The following CSMD2 variants were observed in gnomAD, a reference collection of about 807,000 sequenced individuals.
CSMD2 encodes CUB and sushi domain-containing protein 2.
CSMD2 carries 130 observed loss-of-function variants against 398.5 expected under a neutral mutation model. The ratio of observed to expected loss-of-function variants is 0.33; its 90% CI spans 0.28 to 0.38. CSMD2 has a LOEUF of 0.38. Ranked by LOEUF, CSMD2 falls within the 10% of genes least tolerant of loss-of-function variation. CSMD2 has a pLI of 1.00. For missense variants in CSMD2, 3,829 were observed against 4,764.9 expected (o/e 0.80, Z 5.78); for synonymous variants, 1,828 against 1,908.5 (o/e 0.96, Z 1.10).
intron 3 of CSMD2, among the ~76,000 whole-genome samples, chr1:33,993,881 C>T (rs1285738026): frequency 6.6e-6 from 1 of 152,136 alleles, no homozygotes; most frequent in African/African-American, 2.4e-5. Context: ...ATCTCCATAT[C>T]CATTCTTCTT....
intron 49 of CSMD2, among the ~76,000 whole-genome samples, chr1:33,574,524 C>T (rs1009433623): frequency 1.3e-5 from 2 of 152,194 alleles, no homozygotes; most frequent in Admixed American, 1.3e-4. Context: ...GTCTAGAGCT[C>T]AGAACTTTTT....
chr1:33,789,051 A>G (rs994334638), intron 11 of CSMD2, among the ~76,000 whole-genome samples: 4 of 152,158 alleles, frequency 2.6e-5, no homozygotes, highest in African/African-American at 9.7e-5. Flanking sequence ...GGGTGTCTAC[A>G]TTCTTGCAAC....
At chr1:33,573,839 G>A (rs1659824947) in intron 49 of CSMD2, among the ~76,000 whole-genome samples, 1 of 152,144 alleles carries the variant, frequency 6.6e-6, no homozygotes, top group Non-Finnish European at 1.5e-5. Flanking sequence ...ATCCCTCTTA[G>A]ATTCACCATC....
chr1:33,762,438 A>G (rs2149305307), intron 13 of CSMD2, among the ~76,000 whole-genome samples: 1 of 152,356 alleles, frequency 6.6e-6, no homozygotes, highest in Admixed American at 6.5e-5. Flanking sequence ...CTATAAGTAG[A>G]GGTCACAGCC....
At chr1:33,613,669 T>C (rs892014341) in intron 40 of CSMD2, among the ~76,000 whole-genome samples, 5 of 152,154 alleles carry the variant, frequency 3.3e-5, no homozygotes, top group African/African-American at 1.2e-4. Context: ...TTTCTGAGGC[T>C]CACAGACTGG....
Position 33,688,926 on chromosome 1 carries a change from G to GT in CSMD2, c.4052+4003dup, listed in dbSNP as rs530745733. Among the ~76,000 whole-genome samples the GT allele has an allele frequency of 1.1e-3, 165 of 152,164 alleles. 2 individuals carry two copies. The highest frequency in any genetic ancestry group is 6.8e-3 in the Middle Eastern group (2 of 294). On this transcript the variant is annotated intron_variant, in intron 25 of 70. Coordinates refer to ENST00000373381, the MANE Select transcript of CSMD2 (RefSeq NM_001281956.2). Reference sequence around the variant, plus strand: ...GGACTCAAACACAAAGGGGCTTTTTGTGTTTGTCTAATTATGAGTGTGAGT... The same window carrying GT: ...GGACTCAAACACAAAGGGGCTTTTTGTTGTTTGTCTAATTATGAGTGTGAGT...
chr1:33,820,768 C>T (rs1221416948), intron 7 of CSMD2, among the ~76,000 whole-genome samples: 2 of 152,016 alleles, frequency 1.3e-5, no homozygotes, highest in Admixed American at 1.3e-4. Flanking sequence ...TGACAAATTC[C>T]TTTGTGAGCA....
At chr1:34,080,942 G>GAAAGAAAGAAAT (rs1657008298) in intron 2 of CSMD2, among the ~76,000 whole-genome samples, 2 of 60,628 alleles carry the variant, frequency 3.3e-5, no homozygotes, top group East Asian at 6.1e-4. Context: ...AAGAAAGAAA[G>GAAAGAAAGAAAT]AAAGAAAGAA....
intron 70 of CSMD2, among the ~76,000 whole-genome samples, chr1:33,517,503 C>T (rs1489563320): frequency 6.6e-6 from 1 of 152,238 alleles, no homozygotes; most frequent in Non-Finnish European, 1.5e-5. Context: ...AGATTCATCA[C>T]TGATCATCTC....
chr1:34,149,726 C>T (rs1195066168), intron 1 of CSMD2, among the ~76,000 whole-genome samples: 1 of 152,212 alleles, frequency 6.6e-6, no homozygotes, highest in Non-Finnish European at 1.5e-5. Context: ...TGCCTAATCT[C>T]ATCAACACAA....
intron 35 of CSMD2, 38 bp from the exon 36 acceptor site, chr1:33,623,504 C>A: frequency 6.9e-7 from 1 of 1,445,632 alleles, no homozygotes; most frequent in Non-Finnish European, 9.7e-7. Context: ...GTTAGGCAGC[C>A]TGCGTCCCTC....
chr1:33,551,339 T>C (rs771298438), intron 55 of CSMD2, among the ~76,000 whole-genome samples: 5 of 152,236 alleles, frequency 3.3e-5, no homozygotes, highest in Non-Finnish European at 7.3e-5. Flanking sequence ...TGGAGTTATA[T>C]GATCGGATTT....
intron 39 of CSMD2, among the ~76,000 whole-genome samples, chr1:33,616,440 G>A (rs184860121): frequency 1.3e-5 from 2 of 152,308 alleles, no homozygotes; most frequent in African/African-American, 4.8e-5. Context: ...GTTTCACCAT[G>A]TTGGCCAGGC....
At chr1:33,600,117 C>T in intron 44 of CSMD2, 1 of 709,084 alleles carries the variant, frequency 1.4e-6, no homozygotes, top group African/African-American at 1.8e-5. Flanking sequence ...GGTAATTCTA[C>T]AGGTGAAGAA....
intron 1 of CSMD2, among the ~76,000 whole-genome samples, chr1:34,095,243 G>A (rs1659140564): frequency 8.8e-6 from 1 of 113,856 alleles, no homozygotes; most frequent in African/African-American, 3.5e-5. Context: ...CAGAATCTCT[G>A]GGACGCATTC....
At chr1:34,147,885 A>T (rs1257363618) in intron 1 of CSMD2, among the ~76,000 whole-genome samples, 2 of 152,190 alleles carry the variant, frequency 1.3e-5, no homozygotes, top group Non-Finnish European at 2.9e-5. Flanking sequence ...TCTATGAAGT[A>T]GGACACAAGG....
Position 33,540,676 on chromosome 1 carries a change from C to T in CSMD2, c.9480G>A (p.Pro3160=), listed in dbSNP as rs143264756. Residue 3160 remains proline, a synonymous_variant, in exon 60 of 71, where the codon CCG becomes CCA. Coordinates refer to ENST00000373381, the MANE Select transcript of CSMD2 (RefSeq NM_001281956.2). ...VCKALMCKPP[P]LIPNGKVVGS... ...CCACCACCTTCCCATTGGGGATGAG[C>T]GGAGGTGGCTTGCACATGAGAGCTG... 37 of 1,614,044 alleles carry T rather than the reference C, an allele frequency of 2.3e-5. No individual in the cohort carries two copies. The highest frequency in any genetic ancestry group is 4.0e-5 in the African/African-American group (3 of 74,914).
chr1:33,950,921 T>C (rs1048200335), intron 3 of CSMD2, among the ~76,000 whole-genome samples: 5 of 152,242 alleles, frequency 3.3e-5, no homozygotes, highest in African/African-American at 1.2e-4. Context: ...TGTTCCACCA[T>C]GGTGATTGTT....
In CSMD2 at chr1:33,586,535, C is replaced by T. The variant is rs1166079455; in HGVS notation, c.7020G>A (p.Leu2340=). Residue 2340 remains leucine (L), a synonymous_variant, in exon 46 of 71, where the codon CTG becomes CTA. Transcript: ENST00000373381. ...ATATCGGGGGTGGTCCTTCAAACTG[C>T]AGGTAGGTTCCAAGTTTGCAGGTCA... ...EILTCKLGTY[L]QFEGPPPICE... is the part of the protein sequence containing the mutation. 2 of 1,613,470 alleles carry T rather than the reference C, an allele frequency of 1.2e-6. No individual in the cohort carries two copies. Among genetic ancestry groups the T allele is most frequent in the African/African-American group, 2.7e-5 (2 of 74,894 alleles).
Sources: gnomAD v4.1 joint callset for allele counts (sites outside exome capture counted in the v4.1 genomes callset) on GRCh38, gnomAD v4.1.1 for gene constraint, MANE v1.5 for transcripts, NCBI Gene and HGNC (gene_info 2026-07-23, HGNC 2026-07-21) for gene names.